RAPGEF1: variants seen among roughly 807,000 people sequenced by gnomAD.
RAPGEF1 encodes the protein CRK SH3-binding GNRP.
RAPGEF1 carries 33 observed loss-of-function variants against 143.3 expected under a neutral mutation model. That is an observed-to-expected ratio of 0.23 (90% CI 0.17 to 0.31). RAPGEF1 has a LOEUF of 0.31. Among genes scored for constraint, RAPGEF1 ranks in the 10% least tolerant of loss-of-function variants. The pLI is 1.00. For synonymous variants in RAPGEF1, 629 were observed against 676.5 expected, an observed-to-expected ratio of 0.93 and a Z score of 1.09; for missense variants, 1,199 against 1,645.4, an observed-to-expected ratio of 0.73 and a Z score of 4.69.
intron 1 of RAPGEF1, among the ~76,000 whole-genome samples, chr9:131,665,119 GAGA>G (rs1053292489): frequency 1.3e-5 from 2 of 150,456 alleles, no homozygotes; most frequent in African/African-American, 4.9e-5. Flanking sequence ...TGTGTAGATA[GAGA>G]AGAGGGCCAG....
At chr9:131,591,638 G>A (rs1259960077) in intron 18 of RAPGEF1, among the ~76,000 whole-genome samples, 1 of 152,224 alleles carries the variant, frequency 6.6e-6, no homozygotes, top group Non-Finnish European at 1.5e-5. Context: ...AGGTGACTGT[G>A]CTGACCCCTG....
chr9:131,612,103 G>A (rs1455491584), intron 12 of RAPGEF1, among the ~76,000 whole-genome samples: 1 of 152,212 alleles, frequency 6.6e-6, no homozygotes, highest in Non-Finnish European at 1.5e-5. Flanking sequence ...GGCACTGGAC[G>A]TGGAACTGGC....
chr9:131,587,851 G>A (rs776370107), intron 21 of RAPGEF1, 21 bp from the exon 22 acceptor site: 4 of 1,609,946 alleles, frequency 2.5e-6, no homozygotes, highest in Non-Finnish European at 3.4e-6. Flanking sequence ...AAAGAAGGCA[G>A]ATGGAGGTGG....
intron 1 of RAPGEF1, among the ~76,000 whole-genome samples, chr9:131,656,939 G>A (rs569273844): frequency 6.6e-6 from 1 of 152,330 alleles, no homozygotes; most frequent in South Asian, 2.1e-4. Context: ...AGCACAGCCA[G>A]CTCTAGCACA....
At chr9:131,627,676 G>A (rs912535747) in intron 9 of RAPGEF1, among the ~76,000 whole-genome samples, 10 of 152,194 alleles carry the variant, frequency 6.6e-5, no homozygotes, top group Admixed American at 5.9e-4. Flanking sequence ...AACAGTCACC[G>A]CTTGAATATC....
chr9:131,726,193 T>C (rs941111333), intron 1 of RAPGEF1, among the ~76,000 whole-genome samples: 1 of 151,974 alleles, frequency 6.6e-6, no homozygotes, highest in African/African-American at 2.4e-5. Context: ...TACTCAGCAA[T>C]AAAAAGGAAT....
At chr9:131,739,498 C>T (rs1283914164) in intron 1 of RAPGEF1, among the ~76,000 whole-genome samples, 2 of 151,800 alleles carry the variant, frequency 1.3e-5, no homozygotes, top group Non-Finnish European at 2.9e-5. Context: ...TTCCCGGGGA[C>T]CGCGGAGCGG....
chr9:131,712,930 G>A (rs1835610401), intron 1 of RAPGEF1, among the ~76,000 whole-genome samples: 1 of 152,104 alleles, frequency 6.6e-6, no homozygotes, highest in Admixed American at 6.5e-5. Context: ...AGCTCAGAAA[G>A]CGTCTTTTAC....
chr9:131,586,795 AACACAC>A (rs71372752), intron 22 of RAPGEF1, among the ~76,000 whole-genome samples: 4 of 20,438 alleles, frequency 2.0e-4, no homozygotes, highest in East Asian at 1.6e-3. Flanking sequence ...GACTCCGTCA[AACACAC>A]ACACACACAC....
chr9:131,642,289 T>G (rs1484228731), intron 4 of RAPGEF1, among the ~76,000 whole-genome samples: 1 of 152,252 alleles, frequency 6.6e-6, no homozygotes, highest in African/African-American at 2.4e-5. Flanking sequence ...TGTAATTTTA[T>G]GTTGCCTCGG....
At chr9:131,634,487 C>T (rs1269356574) in intron 5 of RAPGEF1, among the ~76,000 whole-genome samples, 4 of 151,568 alleles carry the variant, frequency 2.6e-5, no homozygotes, top group Admixed American at 6.6e-5. Context: ...CCTAGGTGGG[C>T]GGATCACTGG....
rs1564660101 is a variant in RAPGEF1, at chr9:131,667,210, A to T, written c.62-16261T>A. Among the ~76,000 whole-genome samples, 1 of 152,084 alleles carries T rather than the reference A, an allele frequency of 6.6e-6. No individual in the cohort carries two copies. Among genetic ancestry groups the T allele is most frequent in the Non-Finnish European group, 1.5e-5 (1 of 68,012 alleles). ...TCACCATGTTGGTCAGGCTGGTATC[A>T]AACTCCTGACCTCCAGTGATCTGCC... On this transcript the variant is annotated intron_variant, in intron 1 of 26. Transcript: ENST00000683357. This position sits in a 1 kb window ranked among gnomAD's most constrained non-coding sequence, Gnocchi z 4.6.
rs747401156 is a variant in RAPGEF1 at position 131,605,059 on chromosome 9, C to G, written c.2191G>C (p.Asp731His). 7 of 1,365,238 alleles carry G rather than the reference C, an allele frequency of 5.1e-6. No individual in the cohort carries two copies. The highest frequency in any genetic ancestry group is 6.9e-6 in the Non-Finnish European group (7 of 1,021,486). 84.6% of individuals were successfully genotyped at this position (1,365,238 alleles called of 1,614,324 possible). The change falls in exon 13 of 27, where the codon GAC (aspartate) becomes CAC (histidine). Residue 731 changes from aspartate to histidine, a missense_variant. By Grantham distance (81) the Asp-to-His change is moderately conservative. Around this residue, in one of 6 missense-constraint regions of RAPGEF1, gnomAD observed 293 missense variants for 356.2 expected, o/e 0.82. Transcript: ENST00000683357. ...FPPAHQSQSS[D>H]LAVPTMAGPP... ...CCGGCCATGGTTGGCACGGCTAAGT[C>G]AGAGCTCTGAGACTGGTGGGCAGGT...
At chr9:131,722,814 C>G (rs1836362362) in intron 1 of RAPGEF1, among the ~76,000 whole-genome samples, 1 of 151,976 alleles carries the variant, frequency 6.6e-6, no homozygotes, top group African/African-American at 2.4e-5. Context: ...TGCAGTGAGC[C>G]ATGATCACAC....
chr9:131,640,034 C>G (rs1011509194), intron 4 of RAPGEF1, among the ~76,000 whole-genome samples: 2 of 152,160 alleles, frequency 1.3e-5, no homozygotes, highest in African/African-American at 2.4e-5. Flanking sequence ...AAACAAAATT[C>G]CTAAAGGAGC....
chr9:131,732,696 T>C (rs1837158349), intron 1 of RAPGEF1, among the ~76,000 whole-genome samples: 1 of 136,952 alleles, frequency 7.3e-6, no homozygotes, highest in Admixed American at 7.5e-5. Context: ...TAATTGGCAA[T>C]TTGAAACCAC....
intron 1 of RAPGEF1, among the ~76,000 whole-genome samples, chr9:131,723,295 T>C (rs573939193): frequency 2.6e-5 from 4 of 152,348 alleles, no homozygotes; most frequent in African/African-American, 7.2e-5. Flanking sequence ...CACATAACAT[T>C]TGCCATCTTA....
chr9:131,690,232 C>G (rs57218439), intron 1 of RAPGEF1, among the ~76,000 whole-genome samples: 2,866 of 152,156 alleles, frequency 0.019, 98 homozygotes, highest in African/African-American at 0.064. Flanking sequence ...AAGATACTTT[C>G]TAAATAGGAA....
chr9:131,707,175 C>T (rs543856106), intron 1 of RAPGEF1, among the ~76,000 whole-genome samples: 8 of 152,298 alleles, frequency 5.3e-5, no homozygotes, highest in African/African-American at 1.9e-4. Context: ...CCAGCCCACA[C>T]GGTGCTGAAT....
Sources: gnomAD v4.1 joint callset for allele counts (sites outside exome capture counted in the v4.1 genomes callset) on GRCh38, gnomAD v4.1.1 for gene constraint, gnomAD v4.1.1 regional missense constraint, Gnocchi (gnomAD v3.1) non-coding constraint, MANE v1.5 for transcripts, NCBI Gene and HGNC (gene_info 2026-07-23, HGNC 2026-07-21) for gene names.